The following PRKCZ variants were observed in gnomAD, a reference collection of about 807,000 sequenced individuals.
PRKCZ encodes the protein protein kinase C zeta type.
A neutral mutation model predicts 79.5 loss-of-function variants in PRKCZ; 33 were observed. The ratio of observed to expected loss-of-function variants is 0.41; its 90% CI spans 0.31 to 0.55. The LOEUF (loss-of-function observed/expected upper bound fraction) is 0.55, where lower values mean the gene tolerates loss of function less well. PRKCZ is among the 20% of genes least tolerant of loss of function. The pLI is 0.19. For missense variants in PRKCZ, 578 were observed against 813.5 expected (o/e 0.71, Z 3.52); for synonymous variants, 342 against 320.9 (o/e 1.07, Z -0.70).
At chr1:2,106,429 C>T (rs867743262) in intron 4 of PRKCZ, among the ~76,000 whole-genome samples, 305 of 150,760 alleles carry the variant, frequency 2.0e-3, no homozygotes, top group African/African-American at 6.1e-3. Flanking sequence ...AGGACCTCCA[C>T]ACGTGTCGCC....
chr1:2,156,389 C>A lies in PRKCZ; in HGVS notation c.974+297C>A, dbSNP rs113394570. 689 of 306,162 alleles carry A rather than the reference C, an allele frequency of 2.3e-3. 4 individuals are homozygous for A. The highest frequency in any genetic ancestry group is 0.013 in the African/African-American group (630 of 47,074). 19.0% of individuals were successfully genotyped at this position (306,162 alleles called of 1,614,324 possible). On this transcript the variant is annotated intron_variant, in intron 10 of 17. Transcript: ENST00000378567. Reference sequence around the variant, plus strand: ...AAAAGTAAGCAAAAGAGGTGGATTTCTGTGCTTATTAAAATATGTACAGCT... The same window carrying A: ...AAAAGTAAGCAAAAGAGGTGGATTTATGTGCTTATTAAAATATGTACAGCT...
intron 4 of PRKCZ, among the ~76,000 whole-genome samples, chr1:2,130,864 C>G (rs1466262868): frequency 1.3e-5 from 2 of 152,092 alleles, no homozygotes; most frequent in East Asian, 3.9e-4. Flanking sequence ...CATTGCAGGC[C>G]CTTCCTTGGC....
At chr1:2,097,840 G>A (rs536629406) in intron 4 of PRKCZ, among the ~76,000 whole-genome samples, 20 of 152,344 alleles carry the variant, frequency 1.3e-4, no homozygotes, top group South Asian at 4.1e-4. Context: ...AGAAGGGTGC[G>A]TCTTGCAGAT....
rs1674248302 is a variant in PRKCZ at position 2,127,851 on chromosome 1, C to A, written c.335-7411C>A. Among the ~76,000 whole-genome samples the A allele has an allele frequency of 6.6e-6, 1 of 152,210 alleles. No homozygotes were observed. The highest frequency in any genetic ancestry group is 1.5e-5 in the Non-Finnish European group (1 of 68,036). On this transcript the variant is annotated intron_variant, in intron 4 of 17. Transcript: ENST00000378567. This position sits in a 1 kb window ranked among gnomAD's most constrained non-coding sequence, Gnocchi z 5.1. ...AGTCAGGTGAGGTGGGGAGTCCCAC[C>A]CCAAACCCCAAACTCCAGTGTCTGG...
chr1:2,051,090 C>T (rs2102179987), intron 1 of PRKCZ: 1 of 166,640 alleles, frequency 6.0e-6, no homozygotes. Context: ...AAACGTTCTC[C>T]ACGTTTACCC....
At chr1:2,050,935 C>T (rs756835901) in intron 1 of PRKCZ, 9 of 373,540 alleles carry the variant, frequency 2.4e-5, no homozygotes, top group Non-Finnish European at 4.3e-5. Context: ...CGGCCCCGCG[C>T]CGCGAGCTCC....
chr1:2,177,062 C>T lies in PRKCZ; in HGVS notation c.1575+1749C>T, dbSNP rs989716581. Among the ~76,000 whole-genome samples, 22 of 152,314 alleles carry T rather than the reference C, an allele frequency of 1.4e-4. No homozygotes were observed. The highest frequency in any genetic ancestry group is 5.1e-4 in the African/African-American group (21 of 41,568). ...GCCTTTGGTTCTAACTGTCAGTCAT[C>T]CTCACGCCCAGGCCGGGGTTAGAGG... On this transcript the variant is annotated intron_variant, in intron 16 of 17. Coordinates refer to ENST00000378567, the MANE Select transcript of PRKCZ (RefSeq NM_002744.6). This position sits in a 1 kb window ranked among gnomAD's most constrained non-coding sequence, Gnocchi z 6.4.
At chr1:2,077,879 T>C (rs886430238) in intron 4 of PRKCZ, among the ~76,000 whole-genome samples, 1 of 152,256 alleles carries the variant, frequency 6.6e-6, no homozygotes, top group African/African-American at 2.4e-5. Context: ...CACTGTTTAT[T>C]GTTTTTAATC....
intron 4 of PRKCZ, among the ~76,000 whole-genome samples, chr1:2,124,626 A>C (rs1011095301): frequency 1.3e-5 from 2 of 152,124 alleles, no homozygotes; most frequent in Admixed American, 6.6e-5. Context: ...AATGCCTGTC[A>C]CTTAAGCCGC....
intron 4 of PRKCZ, among the ~76,000 whole-genome samples, chr1:2,069,239 C>A (rs1661369751): frequency 6.6e-6 from 1 of 152,186 alleles, no homozygotes; most frequent in Admixed American, 6.5e-5. Context: ...TTTGGCCTCT[C>A]CGGACCCAGC....
intron 4 of PRKCZ, among the ~76,000 whole-genome samples, chr1:2,109,620 G>A (rs375198552): frequency 3.9e-4 from 59 of 152,344 alleles, no homozygotes; most frequent in African/African-American, 1.4e-3. Context: ...CATAGGACAT[G>A]GAGAGTCCCG....
At chr1:2,169,242 C>T in intron 10 of PRKCZ, 1 of 508,798 alleles carries the variant, frequency 2.0e-6, no homozygotes, top group Non-Finnish European at 3.8e-6. Context: ...ATTCCGGGGC[C>T]CACCCACACT....
intron 4 of PRKCZ, among the ~76,000 whole-genome samples, chr1:2,114,028 G>A (rs886797851): frequency 1.3e-5 from 2 of 152,180 alleles, no homozygotes; most frequent in Non-Finnish European, 2.9e-5. Context: ...GCGCCATGTT[G>A]TGTGTGTGGT....
In PRKCZ at chr1:2,073,681, T is replaced by TC. The variant is rs1661842650; in HGVS notation, c.334+14093dup. On this transcript the variant is annotated intron_variant, in intron 4 of 17. Transcript: ENST00000378567. ...TGTGCCTCAGCTGCTGGCTACAGCT[T>TC]CCCGGGGGAGCCGGGTACCACCCGG... 7.1e-6 allele frequency: 7 copies of TC among 992,540 alleles called. No homozygotes were observed. In the South Asian group the frequency reaches 2.3e-4, roughly 32 times the overall value. 61.5% of individuals were successfully genotyped at this position (992,540 alleles called of 1,614,324 possible). A position where few individuals can be genotyped will look rare whatever the true frequency, so the allele number is the denominator to read the frequency against.
chr1:2,068,900 C>T (rs189162500), intron 4 of PRKCZ, among the ~76,000 whole-genome samples: 20 of 152,322 alleles, frequency 1.3e-4, no homozygotes, highest in South Asian at 8.3e-4. Context: ...CAGGCCCAGC[C>T]GGTGCTCAGC....
chr1:2,106,546 A>G (rs7365105), intron 4 of PRKCZ, among the ~76,000 whole-genome samples: 4,108 of 14,146 alleles, frequency 0.29, 986 homozygotes, highest in Admixed American at 0.33. Context: ...GGACCTCCAC[A>G]CGTGTCACCA....
chr1:2,169,101 C>G, intron 10 of PRKCZ: 1 of 455,788 alleles, frequency 2.2e-6, no homozygotes, highest in Non-Finnish European at 4.4e-6. Flanking sequence ...TTGAGGCCAC[C>G]CCACCCGTGA....
rs966881859 is a variant in PRKCZ at position 2,149,515 on chromosome 1, C to G, written c.687+591C>G. Among the ~76,000 whole-genome samples the G allele has an allele frequency of 1.3e-5, 2 of 151,618 alleles. No homozygotes were observed. The highest frequency in any genetic ancestry group is 3.9e-4 in the East Asian group (2 of 5,172). On this transcript the variant is annotated intron_variant, in intron 8 of 17. Coordinates refer to ENST00000378567, the MANE Select transcript of PRKCZ (RefSeq NM_002744.6). The surrounding 1 kb of genome is among the most constrained non-coding windows in gnomAD (Gnocchi z 4.1). ...ACCAACAAGTGTCACCCTCACAACT[C>G]GTGCTCCTTCCTGGCCATCCTGTGT...
chr1:2,124,786 C>T (rs180886354), intron 4 of PRKCZ, among the ~76,000 whole-genome samples: 216 of 151,992 alleles, frequency 1.4e-3, no homozygotes, highest in Non-Finnish European at 2.5e-3. Flanking sequence ...CAGCAGACGC[C>T]GTGCATGTGC....
Sources: allele counts gnomAD v4.1 joint callset (sites outside exome capture counted in the v4.1 genomes callset), GRCh38; gene constraint gnomAD v4.1.1; non-coding constraint Gnocchi (gnomAD v3.1); transcripts MANE v1.5; gene names NCBI Gene and HGNC (gene_info 2026-07-23, HGNC 2026-07-21).